The following PPP1R12C variants were observed in gnomAD, a reference collection of about 807,000 sequenced individuals.
PPP1R12C encodes the protein protein phosphatase 1 regulatory subunit 12C, also known as leukocyte receptor cluster (LRC) encoded novel gene 3.
Under a neutral mutation model 95.6 loss-of-function variants are expected in PPP1R12C, and 48 were observed. The ratio of observed to expected loss-of-function variants is 0.50; its 90% confidence interval spans 0.40 to 0.64. The LOEUF (loss-of-function observed/expected upper bound fraction) is 0.64. Ranked by LOEUF, PPP1R12C falls within the 30% of genes least tolerant of loss-of-function variation. PPP1R12C has a pLI of 0.00. For synonymous variants in PPP1R12C, 480 were observed against 460.8 expected (o/e 1.04, Z -0.53); for missense variants, 1,057 against 1,083.3 (o/e 0.98, Z 0.34).
At chr19:55,106,273 C>T (rs1198264500) in intron 3 of PPP1R12C, among the ~76,000 whole-genome samples, 2 of 152,226 alleles carry the variant, frequency 1.3e-5, no homozygotes, top group African/African-American at 4.8e-5. Flanking sequence ...GGGCTCCGAC[C>T]TCTTACTACT....
chr19:55,092,543 T>C lies in PPP1R12C; in HGVS notation c.1954A>G (p.Thr652Ala). 4 of 1,600,392 alleles carry C rather than the reference T, an allele frequency of 2.5e-6. No individual in the cohort carries two copies. Among genetic ancestry groups the C allele is most frequent in the Non-Finnish European group, 3.4e-6 (4 of 1,174,224 alleles). The change falls in exon 18 of 22, where the codon ACC becomes GCC. Residue 652 changes from threonine to alanine, a missense_variant and splice_region_variant. This residue lies in a region of PPP1R12C where 347 missense variants were observed against 307.9 expected (regional missense o/e 1.13). Transcript: ENST00000263433. ...CGGGCCGAGGGGCCGCCCTCCAGGG[T>C]GCTGGGGCAGGGGAGGAGCGCGCGT... ...EPADRSQESSTLEGGPSARRQ... is the reference protein window; with the variant it reads ...EPADRSQESSALEGGPSARRQ...
intron 3 of PPP1R12C, among the ~76,000 whole-genome samples, chr19:55,108,188 G>A (rs565385213): frequency 6.3e-4 from 95 of 151,968 alleles, no homozygotes; most frequent in African/African-American, 2.2e-3. Flanking sequence ...TGCCCACCTC[G>A]GCCTCCCAAA....
rs2084836089 is a variant in PPP1R12C, at chr19:55,091,303, C to G, written c.*169G>C. 1 of 714,570 alleles carries G rather than the reference C, an allele frequency of 1.4e-6. No homozygotes were observed. Among genetic ancestry groups the G allele is most frequent in the Non-Finnish European group, 2.3e-6 (1 of 439,488 alleles). The allele number at this position is 714,570 out of a possible 1,614,324, so 44.3% of individuals were successfully genotyped here. On this transcript the variant is annotated 3_prime_UTR_variant, in exon 22 of 22. Transcript: ENST00000263433. ...CCACCTCCATCCTGGCCTCGGGTGG[C>G]CCCCTCGGCTCCTGGGGACTCTGCT...
At chr19:55,105,352 A>C (rs2085026842) in intron 3 of PPP1R12C, among the ~76,000 whole-genome samples, 3 of 152,202 alleles carry the variant, frequency 2.0e-5, no homozygotes, top group Admixed American at 2.0e-4. Flanking sequence ...TGTCTGCTGC[A>C]CATCCTTCTG....
chr19:55,092,730 C>A, intron 16 of PPP1R12C, 53 bp downstream of exon 16: 1 of 1,529,434 alleles, frequency 6.5e-7, no homozygotes, highest in Non-Finnish European at 8.8e-7. Context: ...AAGGGCTTTG[C>A]CCGCCCCCCG....
At chr19:55,111,512 A>G (rs2085095407) in intron 3 of PPP1R12C, 1 of 152,186 alleles carries the variant, frequency 6.6e-6, no homozygotes, top group African/African-American at 2.4e-5. Context: ...CATTTCAACC[A>G]AAGAGGGGCT....
At position 55,103,464 on chromosome 19, in the gene PPP1R12C, TGCGGGGGTG is replaced by T; in HGVS notation, c.667_675del (p.His223_Arg225del). ...GCCACGTGCAGGGCAGAGGCGCCTG[TGCGGGGGTG>T]CCGGGCCTCTGGCATGGCGCCCCCA... On this transcript the variant is annotated inframe_deletion, in exon 4 of 22. Coordinates refer to ENST00000263433, the MANE Select transcript of PPP1R12C (RefSeq NM_017607.4). The T allele has an allele frequency of 6.3e-7, 1 of 1,597,990 alleles. No homozygotes were observed. Among genetic ancestry groups the T allele is most frequent in the Non-Finnish European group, 8.6e-7 (1 of 1,168,750 alleles).
At chr19:55,094,565 C>A in intron 12 of PPP1R12C, 96 bp downstream of exon 12, 1 of 1,534,868 alleles carries the variant, frequency 6.5e-7, no homozygotes. Flanking sequence ...GGCCAGCTCT[C>A]CCTCAGGAGC....
intron 3 of PPP1R12C, among the ~76,000 whole-genome samples, chr19:55,105,743 T>A (rs2085031547): frequency 6.6e-6 from 1 of 152,068 alleles, no homozygotes; most frequent in Admixed American, 6.6e-5. Flanking sequence ...CCCACTAGTT[T>A]GAGAACAGCC....
At chr19:55,115,017 G>A (rs2147216376) in intron 1 of PPP1R12C, 1 of 152,482 alleles carries the variant, frequency 6.6e-6, no homozygotes, top group South Asian at 2.1e-4. Flanking sequence ...GGAAGCCTGA[G>A]CGCCTCTCCT....
intron 12 of PPP1R12C, 92 bp downstream of exon 12, chr19:55,094,569 C>A: frequency 6.5e-7 from 1 of 1,537,122 alleles, no homozygotes; most frequent in East Asian, 2.3e-5. Flanking sequence ...AGCTCTCCCT[C>A]AGGAGCCCAC....
Position 55,091,426 on chromosome 19 carries a change from G to A in PPP1R12C, c.*46C>T. ...TTCACACGGGGGAAGGGGTGCGTGT[G>A]GCAGAAGCAGCTGTATAAATACGGG... is the stretch of plus-strand genomic sequence containing the variant. On this transcript the variant is annotated 3_prime_UTR_variant, in exon 22 of 22. Transcript: ENST00000263433. The A allele has an allele frequency of 6.4e-7, 1 of 1,553,588 alleles. No individual in the cohort carries two copies. The highest frequency in any genetic ancestry group is 8.9e-7 in the Non-Finnish European group (1 of 1,129,714).
In PPP1R12C at chr19:55,092,234, C is replaced by T. The variant is rs747042695; in HGVS notation, c.2148G>A (p.Glu716=). 5 of 1,579,982 alleles carry T rather than the reference C, an allele frequency of 3.2e-6. No individual in the cohort carries two copies. Among genetic ancestry groups the T allele is most frequent in the Admixed American group, 1.8e-5 (1 of 55,854 alleles). ...TCGGCGCCCTTACCTGCGTGGCCCGCTCCAGCTCCACCTTGAGCTGCGCCA... is the reference window on the plus strand; with the variant it reads ...TCGGCGCCCTTACCTGCGTGGCCCGTTCCAGCTCCACCTTGAGCTGCGCCA... The part of the protein sequence containing the change: ...LRLAQLKVEL[E]RATQRQERFA... The change falls in exon 19 of 22, where the codon GAG becomes GAA. Residue 716 remains glutamate, a synonymous_variant. Transcript: ENST00000263433.
In PPP1R12C at chr19:55,117,273, G is replaced by C; in HGVS notation, c.271C>G (p.Arg91Gly). 8.2e-7 allele frequency: 1 copy of C among 1,224,286 alleles called. No individual in the cohort carries two copies. Among genetic ancestry groups the C allele is most frequent in the Non-Finnish European group, 1.0e-6 (1 of 984,244 alleles). The allele number at this position is 1,224,286 out of a possible 1,614,324, so 75.8% of individuals were successfully genotyped here. A position where few individuals can be genotyped will look rare whatever the true frequency, so the allele number is the denominator to read the frequency against. Residue 91 changes from arginine (R) to glycine (G), a missense_variant, in exon 1 of 22, where the codon CGC becomes GGC. By Grantham distance (125) the Arg-to-Gly change is moderately radical (BLOSUM62 -2). This residue lies in a region of PPP1R12C where 282 missense variants were observed against 380.4 expected (regional missense o/e 0.74). Coordinates refer to ENST00000263433, the MANE Select transcript of PPP1R12C (RefSeq NM_017607.4). ...GCGTTGGTGGAGTCCAGCACGGCGC[G>C]GGCGGGCGGCGGCGCGGCGGGGTCG... ...ELDPAAPPPA[R>G]AVLDSTNADG...
intron 3 of PPP1R12C, among the ~76,000 whole-genome samples, chr19:55,106,819 G>A (rs532773869): frequency 2.6e-5 from 4 of 152,256 alleles, no homozygotes; most frequent in Non-Finnish European, 4.4e-5. Context: ...TCCAGGGTGC[G>A]CACATCACCA....
intron 3 of PPP1R12C, 149 bp from the exon 4 acceptor site, chr19:55,103,717 C>G: frequency 1.5e-6 from 1 of 685,946 alleles, no homozygotes; most frequent in Non-Finnish European, 2.2e-6. Flanking sequence ...CCCAGACTAG[C>G]CCAGTTGTTT....
At position 55,112,507 on chromosome 19, in the gene PPP1R12C, G is replaced by T. The variant is rs374885966; in HGVS notation, c.531C>A (p.Asp177Glu). Residue 177 changes from aspartate (D) to glutamate (E), a missense_variant, in exon 3 of 22, where the codon GAC (aspartate) becomes GAA (glutamate). Physicochemically the swap from Asp to Glu is conservative, Grantham distance 45. This residue lies in a region of PPP1R12C where 282 missense variants were observed against 380.4 expected (regional missense o/e 0.74). Coordinates refer to ENST00000263433, the MANE Select transcript of PPP1R12C (RefSeq NM_017607.4). ...CCGCCTTCAGCAGCCCCTCCATGGC[G>T]TCCGACTCGGCCAGGTCCAGGGGCA... is the stretch of plus-strand genomic sequence containing the variant. ...GDLPLDLAES[D>E]AMEGLLKAEI... 4 of 1,613,158 alleles carry T rather than the reference G, an allele frequency of 2.5e-6. No individual in the cohort carries two copies. In the Admixed American group the frequency reaches 5.0e-5, roughly 20 times the overall value.
intron 6 of PPP1R12C, chr19:55,096,817 C>A: frequency 4.5e-6 from 1 of 221,242 alleles, no homozygotes; most frequent in Non-Finnish European, 8.6e-6. Context: ...ACCCCTTCCC[C>A]GCGCAGTTCA....
chr19:55,095,097 A>G, intron 11 of PPP1R12C, 194 bp downstream of exon 11: 2 of 721,722 alleles, frequency 2.8e-6, no homozygotes, highest in South Asian at 1.8e-5. Context: ...TGGGGGGAAG[A>G]TAGGGGAGAA....
Sources: gnomAD v4.1 joint callset for allele counts (sites outside exome capture counted in the v4.1 genomes callset) on GRCh38, gnomAD v4.1.1 for gene constraint, gnomAD v4.1.1 regional missense constraint, MANE v1.5 for transcripts, NCBI Gene and HGNC (gene_info 2026-07-23, HGNC 2026-07-21) for gene names.